Variants in ELAVL4 observed in about 807,000 individuals in gnomAD.
The protein encoded by ELAVL4 is ELAV-like protein 4.
A neutral mutation model predicts 35.6 loss-of-function variants in ELAVL4; 1 was observed. That is an observed-to-expected ratio of 0.03 (90% CI 0.01 to 0.13). The LOEUF (loss-of-function observed/expected upper bound fraction) is 0.13, where lower values mean the gene tolerates loss of function less well. Ranked by LOEUF, ELAVL4 falls within the 10% of genes least tolerant of loss-of-function variation. ELAVL4 has a pLI of 1.00. For missense variants in ELAVL4, 267 were observed against 464.9 expected (o/e 0.57, Z 3.91); for synonymous variants, 156 against 171.0 (o/e 0.91, Z 0.69).
chr1:50,139,895 GT>G (rs1672532028), intron 1 of ELAVL4, among the ~76,000 whole-genome samples: 1 of 152,184 alleles, frequency 6.6e-6, no homozygotes, highest in Non-Finnish European at 1.5e-5. Flanking sequence ...TGCATTGAGT[GT>G]GAGTAATTAG....
intron 6 of ELAVL4, among the ~76,000 whole-genome samples, chr1:50,198,740 C>T (rs926562393): frequency 6.6e-6 from 1 of 152,212 alleles, no homozygotes; most frequent in East Asian, 1.9e-4. Flanking sequence ...GGGGAAGACA[C>T]AGCTGTAGTA....
chr1:50,158,316 T>A (rs951229766), intron 2 of ELAVL4, among the ~76,000 whole-genome samples: 2 of 152,126 alleles, frequency 1.3e-5, no homozygotes, highest in African/African-American at 4.8e-5. Flanking sequence ...GTCGAACCAA[T>A]GTTTATTTGA....
At chr1:50,080,015 T>G (rs973353098) in intron 1 of ELAVL4, among the ~76,000 whole-genome samples, 3 of 152,198 alleles carry the variant, frequency 2.0e-5, no homozygotes, top group African/African-American at 7.2e-5. Context: ...TTTGATTTCC[T>G]TTCCACTGAA....
chr1:50,189,115 T>C (rs902560809), intron 3 of ELAVL4, among the ~76,000 whole-genome samples: 1 of 152,234 alleles, frequency 6.6e-6, no homozygotes, highest in Non-Finnish European at 1.5e-5. Flanking sequence ...CTAAAAAGGA[T>C]GCCTTTTCCC....
chr1:50,126,073 C>G (rs1669857170), intron 1 of ELAVL4, among the ~76,000 whole-genome samples: 1 of 152,074 alleles, frequency 6.6e-6, no homozygotes, highest in Admixed American at 6.6e-5. Flanking sequence ...AAAATAAGCT[C>G]AGTCCCCCTA....
At chr1:50,110,112 T>C in intron 1 of ELAVL4, 3 of 1,049,946 alleles carry the variant, frequency 2.9e-6, no homozygotes, top group Non-Finnish European at 4.2e-6. Context: ...TATGTGTGTG[T>C]TTATTAGTAT....
At chr1:50,090,565 A>G (rs1557696479) in intron 1 of ELAVL4, among the ~76,000 whole-genome samples, 1 of 152,184 alleles carries the variant, frequency 6.6e-6, no homozygotes, top group Non-Finnish European at 1.5e-5. Context: ...GCTCTTGCTC[A>G]TTTCACAGTT....
At chr1:50,094,324 G>A (rs892250372) in intron 1 of ELAVL4, among the ~76,000 whole-genome samples, 2 of 152,102 alleles carry the variant, frequency 1.3e-5, no homozygotes, top group Non-Finnish European at 2.9e-5. Context: ...GAGGTCTGCT[G>A]GGTACCACTT....
At chr1:50,198,339 G>C (rs975750850) in intron 6 of ELAVL4, among the ~76,000 whole-genome samples, 5 of 152,168 alleles carry the variant, frequency 3.3e-5, no homozygotes, top group Non-Finnish European at 7.3e-5. Context: ...TAGGGACATA[G>C]TGTCTTCATC....
intron 1 of ELAVL4, among the ~76,000 whole-genome samples, chr1:50,137,141 A>C (rs1672015468): frequency 6.6e-6 from 1 of 152,184 alleles, no homozygotes; most frequent in Non-Finnish European, 1.5e-5. Flanking sequence ...AGTATTCCAA[A>C]AATGTCACAG....
Position 50,201,004 on chromosome 1 carries a change from G to A in ELAVL4, c.927G>A (p.Val309=). The change falls in exon 7 of 7, where the codon GTG becomes GTA. Residue 309 remains valine (V), a synonymous_variant. Coordinates refer to ENST00000371824, the MANE Select transcript of ELAVL4 (RefSeq NM_001144774.3). This position sits in a 1 kb window ranked among gnomAD's most constrained non-coding sequence, Gnocchi z 4.3. ...AGCTCTTTGGCCCCTTTGGAGCAGT[G>A]AACAACGTAAAGGTGATTCGTGACT... ...LWQLFGPFGA[V]NNVKVIRDFN... 2.5e-6 allele frequency: 4 copies of A among 1,614,062 alleles called. No individual in the cohort carries two copies. The highest frequency in any genetic ancestry group is 3.4e-6 in the Non-Finnish European group (4 of 1,179,996).
chr1:50,091,266 C>T (rs989153781), intron 1 of ELAVL4, among the ~76,000 whole-genome samples: 4 of 152,196 alleles, frequency 2.6e-5, no homozygotes, highest in Non-Finnish European at 5.9e-5. Context: ...ATTGCAGATA[C>T]GCTTACAGGA....
chr1:50,144,464 C>T, intron 1 of ELAVL4: 1 of 402,726 alleles, frequency 2.5e-6, no homozygotes, highest in East Asian at 6.7e-5. Context: ...AATTTAAACC[C>T]TTCCCATATT....
intron 3 of ELAVL4, chr1:50,179,944 A>G (rs1680753606): frequency 1.3e-5 from 2 of 152,168 alleles, no homozygotes; most frequent in Admixed American, 1.3e-4. Context: ...TAACTGTTTA[A>G]ACCCAGATTG....
chr1:50,106,524 G>A, upstream of ELAVL4: 1 of 659,006 alleles, frequency 1.5e-6, no homozygotes, highest in Non-Finnish European at 2.7e-6. Flanking sequence ...AATCATGCAT[G>A]ACTGGGAGAC....
At chr1:50,156,160 C>A (rs1449709575) in intron 2 of ELAVL4, among the ~76,000 whole-genome samples, 1 of 152,242 alleles carries the variant, frequency 6.6e-6, no homozygotes, top group Non-Finnish European at 1.5e-5. Context: ...TCAGACTAAC[C>A]AGAATTGAGA....
chr1:50,130,607 A>G (rs1670686707), intron 1 of ELAVL4, among the ~76,000 whole-genome samples: 1 of 152,150 alleles, frequency 6.6e-6, no homozygotes, highest in African/African-American at 2.4e-5. Context: ...AGTGTTTGTC[A>G]TATTCCAGGC....
intron 2 of ELAVL4, among the ~76,000 whole-genome samples, chr1:50,160,349 T>A (rs1415817134): frequency 6.6e-6 from 1 of 152,232 alleles, no homozygotes; most frequent in East Asian, 1.9e-4. Context: ...GGTTTTTATG[T>A]CTTTATTTTG....
chr1:50,144,846 A>G lies in ELAVL4; in HGVS notation c.10-111A>G. Reference sequence around the variant, plus strand: ...TGTTCACAACCCAGTCTCTTGCTCCATCTTGCTTTATCTTCTTCTCTTTCT... The same window carrying G: ...TGTTCACAACCCAGTCTCTTGCTCCGTCTTGCTTTATCTTCTTCTCTTTCT... On this transcript the variant is annotated intron_variant, in intron 1 of 6. Coordinates refer to ENST00000371824, the MANE Select transcript of ELAVL4 (RefSeq NM_001144774.3). The G allele has an allele frequency of 2.6e-6, 4 of 1,513,950 alleles. No homozygotes were observed. The East Asian group carries it at 6.7e-5, about 26-fold the overall frequency. The allele number at this position is 1,513,950 out of a possible 1,614,324, so 93.8% of individuals were successfully genotyped here.
Sources: gnomAD v4.1 joint callset for allele counts (sites outside exome capture counted in the v4.1 genomes callset) on GRCh38, gnomAD v4.1.1 for gene constraint, Gnocchi (gnomAD v3.1) non-coding constraint, MANE v1.5 for transcripts, NCBI Gene and HGNC (gene_info 2026-07-23, HGNC 2026-07-21) for gene names.